INSR: variants seen among roughly 807,000 people sequenced by gnomAD.
INSR encodes IR.
In INSR, 67 loss-of-function variants were observed where a neutral mutation model predicts 142.6. The ratio of observed to expected loss-of-function variants is 0.47; its 90% CI spans 0.39 to 0.58. The LOEUF is 0.58. Among genes scored for constraint, INSR ranks in the 20% least tolerant of loss-of-function variants. The pLI, the probability that INSR is intolerant of heterozygous loss-of-function variation, is 0.00. For synonymous variants in INSR, 756 were observed against 743.1 expected, an observed-to-expected ratio of 1.02 and a Z score of -0.28; for missense variants, 1,248 against 1,833.2, an observed-to-expected ratio of 0.68 and a Z score of 5.83.
chr19:7,143,516 C>T (rs1240376178), intron 11 of INSR, among the ~76,000 whole-genome samples: 1 of 152,166 alleles, frequency 6.6e-6, no homozygotes, highest in African/African-American at 2.4e-5. Context: ...AGCTACTGAT[C>T]GACATCATCA....
intron 14 of INSR, among the ~76,000 whole-genome samples, chr19:7,131,036 G>A (rs1395856663): frequency 6.6e-6 from 1 of 150,456 alleles, no homozygotes; most frequent in African/African-American, 2.5e-5. Context: ...ACACCACTAT[G>A]CCCAGCTAAT....
At chr19:7,137,267 TA>T (rs11299975) in intron 13 of INSR, among the ~76,000 whole-genome samples, 88,241 of 145,526 alleles carry the variant, frequency 0.61, 27,384 homozygotes, top group Middle Eastern at 0.72. Flanking sequence ...GTTTCTAAAT[TA>T]AAAAAAAAAA....
At chr19:7,229,681 AC>A (rs2080824436) in intron 2 of INSR, among the ~76,000 whole-genome samples, 1 of 151,894 alleles carries the variant, frequency 6.6e-6, no homozygotes, top group Admixed American at 6.6e-5. Flanking sequence ...CAGTTTTTAA[AC>A]TTTTGGAAGC....
chr19:7,209,689 C>T (rs1441035732), intron 2 of INSR, among the ~76,000 whole-genome samples: 2 of 152,036 alleles, frequency 1.3e-5, no homozygotes, highest in Admixed American at 1.3e-4. Flanking sequence ...GCTGGGATTA[C>T]AGGTGTGAGC....
intron 2 of INSR, among the ~76,000 whole-genome samples, chr19:7,233,833 A>G (rs530029858): frequency 4.8e-5 from 7 of 146,560 alleles, no homozygotes; most frequent in South Asian, 4.4e-4. Flanking sequence ...CCGCCACCAC[A>G]CCCGGCTAAT....
chr19:7,277,153 G>C (rs1031182644), intron 1 of INSR, among the ~76,000 whole-genome samples: 1 of 152,134 alleles, frequency 6.6e-6, no homozygotes, highest in Non-Finnish European at 1.5e-5. Flanking sequence ...TCCATTCCCA[G>C]ATTTATTACC....
chr19:7,262,991 G>C (rs1977109706), intron 2 of INSR, among the ~76,000 whole-genome samples: 1 of 152,114 alleles, frequency 6.6e-6, no homozygotes, highest in Non-Finnish European at 1.5e-5. Context: ...AAATGGTTAA[G>C]ATGGGGCCAG....
intron 2 of INSR, among the ~76,000 whole-genome samples, chr19:7,198,285 C>T (rs964213395): frequency 7.9e-5 from 12 of 151,694 alleles, no homozygotes; most frequent in African/African-American, 2.7e-4. Context: ...GCGCCGGGCT[C>T]CGCTCCCCAG....
chr19:7,237,837 T>A (rs8109590), intron 2 of INSR, among the ~76,000 whole-genome samples: 149,474 of 151,602 alleles, frequency 0.99, 73,706 homozygotes, highest in Non-Finnish European at 1. Flanking sequence ...TAAATAAAAT[T>A]AAATTAAATT....
chr19:7,239,487 T>C (rs1182888297), intron 2 of INSR, among the ~76,000 whole-genome samples: 1 of 152,146 alleles, frequency 6.6e-6, no homozygotes, highest in African/African-American at 2.4e-5. Context: ...ACATATACCT[T>C]AATGCATCAC....
chr19:7,149,691 G>A (rs576237007), intron 11 of INSR, among the ~76,000 whole-genome samples: 5 of 152,034 alleles, frequency 3.3e-5, no homozygotes, highest in South Asian at 2.1e-4. Context: ...GCGTGGTGGC[G>A]CATGCCTGTA....
At chr19:7,149,114 A>G (rs1014200516) in intron 11 of INSR, among the ~76,000 whole-genome samples, 6 of 151,646 alleles carry the variant, frequency 4.0e-5, no homozygotes, top group African/African-American at 1.5e-4. Context: ...TCACCGTGTT[A>G]GCCAGGATGG....
At chr19:7,243,688 G>A (rs1489503957) in intron 2 of INSR, among the ~76,000 whole-genome samples, 5 of 152,138 alleles carry the variant, frequency 3.3e-5, no homozygotes, top group African/African-American at 1.2e-4. Flanking sequence ...TGAAGACATT[G>A]CAAAATAAAA....
rs371681280 is a variant in INSR, at chr19:7,267,580, G to T, written c.417C>A (p.Ile139=). ...TCTCGATGCGGACAGAACCCCGGGT[G>T]ATGTTCATCAGGTTGTAGAGGCCGA... ...KELGLYNLMN[I]TRGSVRIEKN... is the part of the protein sequence containing the mutation. Residue 139 remains isoleucine, a synonymous_variant, in exon 2 of 22, where the codon ATC becomes ATA. Coordinates refer to ENST00000302850, the MANE Select transcript of INSR (RefSeq NM_000208.4). The surrounding 1 kb of genome is among the most constrained non-coding windows in gnomAD (Gnocchi z 6.3). The T allele has an allele frequency of 1.9e-6, 3 of 1,614,118 alleles. No individual in the cohort carries two copies. Among genetic ancestry groups the T allele is most frequent in the Non-Finnish European group, 2.5e-6 (3 of 1,180,024 alleles).
At chr19:7,203,995 G>A (rs1490375267) in intron 2 of INSR, among the ~76,000 whole-genome samples, 4 of 152,002 alleles carry the variant, frequency 2.6e-5, no homozygotes, top group African/African-American at 9.7e-5. Context: ...GAATTCTCCT[G>A]CCTCAGCCTC....
chr19:7,268,514 C>T, intron 1 of INSR: 1 of 985,366 alleles, frequency 1.0e-6, no homozygotes, highest in Non-Finnish European at 1.2e-6. Flanking sequence ...CCAACGCCCA[C>T]CATGGCTCCC....
chr19:7,197,514 G>GGTGT (rs1418762689), intron 2 of INSR, among the ~76,000 whole-genome samples: 12 of 26,948 alleles, frequency 4.5e-4, no homozygotes, highest in Non-Finnish European at 8.8e-4. Flanking sequence ...AGTGGGAGTG[G>GGTGT]GGGTGTGTGT....
intron 2 of INSR, among the ~76,000 whole-genome samples, chr19:7,221,406 A>AAAG (rs1555754882): frequency 4.4e-4 from 52 of 118,588 alleles, no homozygotes; most frequent in East Asian, 7.6e-4. Flanking sequence ...GAGGAGGAGG[A>AAAG]AAGAAGAAGA....
Position 7,168,386 on chromosome 19 carries a change from A to G in INSR, c.1484-292T>C, listed in dbSNP as rs1973936466. 6.6e-6 allele frequency among the ~76,000 whole-genome samples: 1 copy of G among 152,154 alleles called. No individual in the cohort carries two copies. The highest frequency in any genetic ancestry group is 2.4e-5 in the African/African-American group (1 of 41,438). The stretch of plus-strand genomic sequence containing the variant: ...ACCCGCGCAAGAAGGACAACCGGCC[A>G]ATAGTTATTGGAGGAAGGGATTTCC... On this transcript the variant is annotated intron_variant, in intron 6 of 21. Coordinates refer to ENST00000302850, the MANE Select transcript of INSR (RefSeq NM_000208.4). This position sits in a 1 kb window ranked among gnomAD's most constrained non-coding sequence, Gnocchi z 4.3.
Sources: gnomAD v4.1 joint callset for allele counts (sites outside exome capture counted in the v4.1 genomes callset) on GRCh38, gnomAD v4.1.1 for gene constraint, Gnocchi (gnomAD v3.1) non-coding constraint, MANE v1.5 for transcripts, NCBI Gene and HGNC (gene_info 2026-07-23, HGNC 2026-07-21) for gene names.